NAV3: variants seen among roughly 807,000 people sequenced by gnomAD.
NAV3 encodes pore membrane and/or filament interacting like protein 1.
A neutral mutation model predicts 244.7 loss-of-function variants in NAV3; 87 were observed. That is an observed-to-expected ratio of 0.36 (90% CI 0.30 to 0.42). The LOEUF (loss-of-function observed/expected upper bound fraction) is 0.42. Ranked by LOEUF, NAV3 falls within the 20% of genes least tolerant of loss-of-function variation. The probability of loss-of-function intolerance (pLI) is 1.00; values close to 1 mark genes in which losing one functional copy is unlikely to be tolerated. For synonymous variants in NAV3, 1,126 were observed against 1,042.2 expected, an observed-to-expected ratio of 1.08 and a Z score of -1.55; for missense variants, 2,663 against 2,893.3, an observed-to-expected ratio of 0.92 and a Z score of 1.83.
At chr12:78,201,480 A>C (rs1959695213) in intron 38 of NAV3, among the ~76,000 whole-genome samples, 1 of 151,992 alleles carries the variant, frequency 6.6e-6, no homozygotes, top group African/African-American at 2.4e-5. Context: ...GTTTCACAGC[A>C]TCTTTGCTCT....
At chr12:77,654,654 C>T (rs896390617) in intron 2 of NAV3, among the ~76,000 whole-genome samples, 2 of 152,176 alleles carry the variant, frequency 1.3e-5, no homozygotes, top group Non-Finnish European at 2.9e-5. Flanking sequence ...ACTGCCTCCT[C>T]AGGTGGGTCC....
At chr12:77,792,550 C>A (rs747045737) in intron 2 of NAV3, among the ~76,000 whole-genome samples, 5 of 152,160 alleles carry the variant, frequency 3.3e-5, no homozygotes, top group Non-Finnish European at 7.4e-5. Context: ...CTGCTCCCAG[C>A]CATATCAAGC....
rs149728332 is a variant in NAV3 at position 78,115,662 on chromosome 12, T to C, written c.2637-1110T>C. Among the ~76,000 whole-genome samples, 238 of 152,328 alleles carry C rather than the reference T, an allele frequency of 1.6e-3. 4 individuals carry two copies. In the East Asian group the frequency reaches 0.025, roughly 16 times the overall value. On this transcript the variant is annotated intron_variant, in intron 12 of 39. Coordinates refer to ENST00000397909, the MANE Select transcript of NAV3 (RefSeq NM_001024383.2). ...CTATTACTGTGGTCCAATAAGATTA[T>C]AATAACATATTTTTCCTGTACATTT...
intron 2 of NAV3, among the ~76,000 whole-genome samples, chr12:77,605,558 G>A (rs763911853): frequency 2.8e-4 from 42 of 152,084 alleles, no homozygotes; most frequent in Non-Finnish European, 5.3e-4. Flanking sequence ...TGCTCTTTAA[G>A]ATTAAAGATA....
At position 78,182,713 on chromosome 12, in the gene NAV3, G is replaced by C. The variant is rs143407997; in HGVS notation, c.5692+1668G>C. ...TTTTTTAGGAGGAGCCAAGTTTTAC[G>C]TTTTTTTAATACCTTTTTTTACCCA... On this transcript the variant is annotated intron_variant, in intron 30 of 39. Coordinates refer to ENST00000397909, the MANE Select transcript of NAV3 (RefSeq NM_001024383.2). 3.2e-3 allele frequency among the ~76,000 whole-genome samples: 489 copies of C among 151,644 alleles called. 9 individuals are homozygous for C. The highest frequency in any genetic ancestry group is 0.011 in the African/African-American group (462 of 41,396).
intron 2 of NAV3, among the ~76,000 whole-genome samples, chr12:77,727,901 C>T (rs145394524): frequency 0.014 from 2,177 of 151,974 alleles, 49 homozygotes; most frequent in African/African-American, 0.05. Flanking sequence ...GTGGCTATTT[C>T]GCTTTTCATC....
At chr12:78,064,395 G>GTC (rs1555272973) in intron 12 of NAV3, among the ~76,000 whole-genome samples, 11 of 139,954 alleles carry the variant, frequency 7.9e-5, no homozygotes, top group African/African-American at 2.7e-4. Flanking sequence ...CTATCTATCT[G>GTC]TGTCTGTCTG....
intron 1 of NAV3, among the ~76,000 whole-genome samples, chr12:77,935,259 A>G (rs995951190): frequency 2.6e-5 from 4 of 152,166 alleles, no homozygotes; most frequent in African/African-American, 9.6e-5. Context: ...TTCAAGGAAA[A>G]TCAGAGTAGA....
intron 2 of NAV3, among the ~76,000 whole-genome samples, chr12:77,823,361 T>C (rs992644597): frequency 6.6e-6 from 1 of 152,110 alleles, no homozygotes; most frequent in Non-Finnish European, 1.5e-5. Context: ...ACTGGAGACT[T>C]ACAGAGATGT....
intron 1 of NAV3, among the ~76,000 whole-genome samples, chr12:77,904,564 A>C (rs1210826753): frequency 2.0e-5 from 3 of 152,214 alleles, no homozygotes; most frequent in Non-Finnish European, 2.9e-5. Context: ...TAATGGGTGC[A>C]GCACACCAAC....
At chr12:77,999,940 A>G (rs1872960921) in intron 7 of NAV3, among the ~76,000 whole-genome samples, 1 of 152,212 alleles carries the variant, frequency 6.6e-6, no homozygotes, top group Non-Finnish European at 1.5e-5. Context: ...AAAGTGTCCA[A>G]TTAAGCAACA....
chr12:78,188,102 C>T, intron 31 of NAV3, 146 bp from the exon 32 acceptor site: 1 of 599,352 alleles, frequency 1.7e-6, no homozygotes, highest in Non-Finnish European at 2.9e-6. Flanking sequence ...TATAATCCAC[C>T]ATGTGTGTCT....
intron 2 of NAV3, among the ~76,000 whole-genome samples, chr12:77,681,712 G>A (rs1194872632): frequency 6.6e-6 from 1 of 152,018 alleles, no homozygotes; most frequent in African/African-American, 2.4e-5. Flanking sequence ...AATCTTAAGT[G>A]TATGCTTTGA....
chr12:78,047,858 T>C (rs948390258), intron 9 of NAV3, among the ~76,000 whole-genome samples: 1 of 152,194 alleles, frequency 6.6e-6, no homozygotes, highest in Non-Finnish European at 1.5e-5. Flanking sequence ...CAAACCTAGG[T>C]TTGGTCTTTT....
intron 12 of NAV3, among the ~76,000 whole-genome samples, chr12:78,078,346 T>C (rs910422653): frequency 6.3e-5 from 9 of 142,930 alleles, no homozygotes; most frequent in African/African-American, 2.3e-4. Flanking sequence ...AAGTAACAAG[T>C]ATGAGAGTTG....
At chr12:78,062,716 T>A (rs1365468531) in intron 12 of NAV3, among the ~76,000 whole-genome samples, 1 of 152,160 alleles carries the variant, frequency 6.6e-6, no homozygotes, top group Non-Finnish European at 1.5e-5. Context: ...CCCAGAATCA[T>A]GCAGCTAATA....
At chr12:78,197,076 G>A (rs988204099) in intron 34 of NAV3, among the ~76,000 whole-genome samples, 171 bp from the exon 35 acceptor site, 1 of 151,800 alleles carries the variant, frequency 6.6e-6, no homozygotes, top group African/African-American at 2.4e-5. Context: ...TATTCTGTCA[G>A]CAATATATGG....
chr12:77,863,457 T>C lies in NAV3; in HGVS notation c.243+31753T>C, dbSNP rs189278853. On this transcript the variant is annotated intron_variant, in intron 1 of 39. Coordinates refer to ENST00000397909, the MANE Select transcript of NAV3 (RefSeq NM_001024383.2). ...GATGGACAAATTTTTGAAGTCTTCA[T>C]AATTATTTCAGCTATTATTTCCTAT... Among the ~76,000 whole-genome samples, 46 of 151,980 alleles carry C rather than the reference T, an allele frequency of 3.0e-4. 1 individual carries two copies. Among genetic ancestry groups the C allele is most frequent in the African/African-American group, 1.1e-3 (46 of 41,560 alleles).
intron 1 of NAV3, among the ~76,000 whole-genome samples, chr12:77,905,776 C>T (rs1391054074): frequency 6.6e-6 from 1 of 152,038 alleles, no homozygotes; most frequent in Non-Finnish European, 1.5e-5. Context: ...TATGGCTGAC[C>T]AGACCCATAA....
Sources: allele counts gnomAD v4.1 joint callset (sites outside exome capture counted in the v4.1 genomes callset), GRCh38; gene constraint gnomAD v4.1.1; transcripts MANE v1.5; gene names NCBI Gene and HGNC (gene_info 2026-07-23, HGNC 2026-07-21).